The following AGAP1 variants were observed in gnomAD, a reference collection of about 807,000 sequenced individuals.
The protein encoded by AGAP1 is arf-GAP with GTPase, ANK repeat and PH domain-containing protein 1.
A neutral mutation model predicts 105.3 loss-of-function variants in AGAP1; 29 were observed. That is an observed-to-expected ratio of 0.28 (90% CI 0.21 to 0.38). The LOEUF (loss-of-function observed/expected upper bound fraction) is 0.38. AGAP1 is among the 10% of genes least tolerant of loss of function. The pLI is 1.00. For missense variants in AGAP1, 998 were observed against 1,165.1 expected (o/e 0.86, Z 2.09); for synonymous variants, 509 against 485.9 (o/e 1.05, Z -0.63).
chr2:235,659,573 TC>T lies in AGAP1; in HGVS notation c.164-49602del, dbSNP rs1417240333. ...GCCCTGCTCGGGGTCCCTTTGCAGC[TC>T]CCCTGAACGTGCCATTTGAAGCATA... On this transcript the variant is annotated intron_variant, in intron 1 of 17. Transcript: ENST00000304032. This position sits in a 1 kb window ranked among gnomAD's most constrained non-coding sequence, Gnocchi z 5.0. 1.7e-4 allele frequency among the ~76,000 whole-genome samples: 26 copies of T among 152,262 alleles called. No homozygotes were observed. Among genetic ancestry groups the T allele is most frequent in the African/African-American group, 6.0e-4 (25 of 41,548 alleles).
At chr2:235,693,306 C>G (rs1354233291) in intron 1 of AGAP1, among the ~76,000 whole-genome samples, 1 of 152,156 alleles carries the variant, frequency 6.6e-6, no homozygotes, top group Non-Finnish European at 1.5e-5. Flanking sequence ...TCAAAGCTAT[C>G]CCCAAGTAGG....
intron 1 of AGAP1, among the ~76,000 whole-genome samples, chr2:235,501,307 CCTT>C (rs1255465388): frequency 6.6e-6 from 1 of 152,164 alleles, no homozygotes; most frequent in Admixed American, 6.5e-5. Context: ...TGCGGATTTT[CCTT>C]CTTGTCTTTC....
intron 12 of AGAP1, among the ~76,000 whole-genome samples, chr2:235,942,261 A>G (rs1056340226): frequency 3.3e-5 from 5 of 152,198 alleles, no homozygotes; most frequent in Non-Finnish European, 5.9e-5. Flanking sequence ...CCAGGAGTCC[A>G]GTAGCCACGG....
At chr2:236,034,440 A>G (rs2057318928) in intron 13 of AGAP1, among the ~76,000 whole-genome samples, 1 of 152,000 alleles carries the variant, frequency 6.6e-6, no homozygotes, top group Non-Finnish European at 1.5e-5. Flanking sequence ...CATTCTGCAT[A>G]AATACACAGG....
At position 235,989,070 on chromosome 2, in the gene AGAP1, A is replaced by G. The variant is rs977944879; in HGVS notation, c.1645+20447A>G. ...TTCTTCAGAGTTTGCATCCCCTGAG[A>G]ATTCCTCTCCTGTGTCCTTCAAATA... On this transcript the variant is annotated intron_variant, in intron 13 of 17. Coordinates refer to ENST00000304032, the MANE Select transcript of AGAP1 (RefSeq NM_001037131.3). The surrounding 1 kb of genome is among the most constrained non-coding windows in gnomAD (Gnocchi z 4.4). Among the ~76,000 whole-genome samples, 3 of 152,206 alleles carry G rather than the reference A, an allele frequency of 2.0e-5. No homozygotes were observed. Among genetic ancestry groups the G allele is most frequent in the Non-Finnish European group, 4.4e-5 (3 of 68,042 alleles).
At chr2:235,943,947 T>C (rs2053377046) in intron 12 of AGAP1, among the ~76,000 whole-genome samples, 1 of 152,246 alleles carries the variant, frequency 6.6e-6, no homozygotes, top group African/African-American at 2.4e-5. Context: ...CAGAAAGTGA[T>C]ATTAATATTA....
chr2:235,849,954 CCT>C (rs1961995115), intron 9 of AGAP1, among the ~76,000 whole-genome samples: 1 of 152,220 alleles, frequency 6.6e-6, no homozygotes, highest in South Asian at 2.1e-4. Flanking sequence ...CTCACTTTTC[CCT>C]CTCAGCCTTC....
intron 1 of AGAP1, among the ~76,000 whole-genome samples, chr2:235,628,904 C>T (rs1398464189): frequency 6.6e-6 from 1 of 152,036 alleles, no homozygotes; most frequent in East Asian, 1.9e-4. Context: ...CTCTGCCTCT[C>T]GGGTTCAAGC....
rs987745953 is a variant in AGAP1 at position 235,622,242 on chromosome 2, G to A, written c.164-86937G>A. Among the ~76,000 whole-genome samples the A allele has an allele frequency of 4.6e-5, 7 of 152,142 alleles. No individual in the cohort carries two copies. Among genetic ancestry groups the A allele is most frequent in the African/African-American group, 1.4e-4 (6 of 41,406 alleles). The stretch of plus-strand genomic sequence containing the variant: ...AAGGAGCCTTCGTCTTTGCTTCCTA[G>A]GAATGGTCATAGTCACACCAGCCCT... On this transcript the variant is annotated intron_variant, in intron 1 of 17. Coordinates refer to ENST00000304032, the MANE Select transcript of AGAP1 (RefSeq NM_001037131.3). This position sits in a 1 kb window ranked among gnomAD's most constrained non-coding sequence, Gnocchi z 5.0.
At chr2:235,730,490 A>AC (rs1296114705) in intron 3 of AGAP1, among the ~76,000 whole-genome samples, 2 of 150,898 alleles carry the variant, frequency 1.3e-5, no homozygotes, top group Non-Finnish European at 3.0e-5. Context: ...AAAAAAAAAA[A>AC]AAAAAAAACG....
chr2:235,599,000 A>G (rs1319060596), intron 1 of AGAP1, among the ~76,000 whole-genome samples: 2 of 152,014 alleles, frequency 1.3e-5, no homozygotes, highest in Admixed American at 6.6e-5. Flanking sequence ...TCTTGTTGAC[A>G]TTTGCGTCTG....
In AGAP1 at chr2:235,893,237, G is replaced by A. The variant is rs779273810; in HGVS notation, c.1155+9788G>A. 6.6e-6 allele frequency among the ~76,000 whole-genome samples: 1 copy of A among 151,080 alleles called. No homozygotes were observed. Among genetic ancestry groups the A allele is most frequent in the Non-Finnish European group, 1.5e-5 (1 of 67,784 alleles). On this transcript the variant is annotated intron_variant, in intron 10 of 17. Transcript: ENST00000304032. The surrounding 1 kb of genome is among the most constrained non-coding windows in gnomAD (Gnocchi z 4.7). The stretch of plus-strand genomic sequence containing the variant: ...ATCATAATGAAGCACCATGTCTGTA[G>A]CGCGGGTGTGCCATGTCCATCATAA...
At position 235,736,443 on chromosome 2, in the gene AGAP1, C is replaced by T. The variant is rs1479915064; in HGVS notation, c.311-4520C>T. ...GCAGATCCATTACATGGGCCATGGG[C>T]CAAGCTGTGCACCAGGTGCTGGGAG... is the stretch of plus-strand genomic sequence containing the variant. On this transcript the variant is annotated intron_variant, in intron 3 of 17. Transcript: ENST00000304032. The surrounding 1 kb of genome is among the most constrained non-coding windows in gnomAD (Gnocchi z 5.5). 6.6e-6 allele frequency among the ~76,000 whole-genome samples: 1 copy of T among 152,128 alleles called. No individual in the cohort carries two copies. Among genetic ancestry groups the T allele is most frequent in the Non-Finnish European group, 1.5e-5 (1 of 68,032 alleles).
At position 235,931,301 on chromosome 2, in the gene AGAP1, C is replaced by A. The variant is rs2052709409; in HGVS notation, c.1483+378C>A. On this transcript the variant is annotated intron_variant, in intron 12 of 17. Transcript: ENST00000304032. The surrounding 1 kb of genome is among the most constrained non-coding windows in gnomAD (Gnocchi z 5.6). The stretch of plus-strand genomic sequence containing the variant: ...ACTGCCCTACGTGGCGTGGCCCACA[C>A]TCTTCCACCACTAGTGCACATTTTA... Among the ~76,000 whole-genome samples, 1 of 152,196 alleles carries A rather than the reference C, an allele frequency of 6.6e-6. No individual in the cohort carries two copies. Among genetic ancestry groups the A allele is most frequent in the South Asian group, 2.1e-4 (1 of 4,832 alleles).
chr2:236,049,402 C>G, intron 16 of AGAP1, 121 bp downstream of exon 16: 1 of 847,240 alleles, frequency 1.2e-6, no homozygotes, highest in Non-Finnish European at 1.8e-6. Flanking sequence ...TTCGGGAATT[C>G]CGATTCATCC....
At chr2:235,756,937 T>C (rs549458585) in intron 6 of AGAP1, among the ~76,000 whole-genome samples, 3 of 144,970 alleles carry the variant, frequency 2.1e-5, no homozygotes, top group African/African-American at 7.7e-5. Context: ...GCCAAAAAGG[T>C]TGGGGACTGC....
At position 235,889,288 on chromosome 2, in the gene AGAP1, A is replaced by G. The variant is rs10192761; in HGVS notation, c.1155+5839A>G. 0.43 allele frequency among the ~76,000 whole-genome samples: 65,423 copies of G among 151,640 alleles called. 14,446 individuals are homozygous for G. The highest frequency in any genetic ancestry group is 0.73 in the South Asian group (3,513 of 4,800). ...AAAGCAGCCAGTCATGAAACTGGGG[A>G]AACCTGACATTGCAGGACACCGTGG... On this transcript the variant is annotated intron_variant, in intron 10 of 17. Coordinates refer to ENST00000304032, the MANE Select transcript of AGAP1 (RefSeq NM_001037131.3). This position sits in a 1 kb window ranked among gnomAD's most constrained non-coding sequence, Gnocchi z 4.6.
Position 235,926,508 on chromosome 2 carries a change from T to C in AGAP1, c.1325-4257T>C, listed in dbSNP as rs141652501. Among the ~76,000 whole-genome samples, 285 of 152,376 alleles carry C rather than the reference T, an allele frequency of 1.9e-3. 1 individual carries two copies. The highest frequency in any genetic ancestry group is 6.2e-3 in the African/African-American group (257 of 41,590). On this transcript the variant is annotated intron_variant, in intron 11 of 17. Transcript: ENST00000304032. ...TGCATTTACGTTGAAAGGCAGGTAC[T>C]GTGTTTGGATCCCAGAAACAATATT...
At chr2:235,500,655 G>A (rs1419541694) in intron 1 of AGAP1, among the ~76,000 whole-genome samples, 2 of 152,142 alleles carry the variant, frequency 1.3e-5, no homozygotes, top group Non-Finnish European at 2.9e-5. Context: ...GGTGGACGAG[G>A]GACTTAAACC....
Sources: allele counts gnomAD v4.1 joint callset (sites outside exome capture counted in the v4.1 genomes callset), GRCh38; gene constraint gnomAD v4.1.1; non-coding constraint Gnocchi (gnomAD v3.1); transcripts MANE v1.5; gene names NCBI Gene and HGNC (gene_info 2026-07-23, HGNC 2026-07-21).